The following DACH2 variants were observed in gnomAD, a reference collection of about 807,000 sequenced individuals.
DACH2 encodes the protein dachshund family transcription factor 2.
A neutral mutation model predicts 35.8 loss-of-function variants in DACH2; 17 were observed. The observed-to-expected ratio is 0.48, with a 90% CI of 0.33 to 0.71. The LOEUF is 0.71. Ranked by LOEUF, DACH2 falls within the 30% of genes least tolerant of loss-of-function variation. DACH2 has a pLI of 0.02. For synonymous variants in DACH2, 195 were observed against 177.3 expected (o/e 1.10, Z -0.79); for missense variants, 469 against 472.7 (o/e 0.99, Z 0.07).
intron 3 of DACH2, among the ~76,000 whole-genome samples, chrX:86,614,076 A>T (rs894681438): frequency 5.4e-5 from 6 of 111,916 alleles, no homozygotes; most frequent in Non-Finnish European, 1.1e-4. Flanking sequence ...TAACGTCATC[A>T]TTTTCTTAAA....
intron 1 of DACH2, among the ~76,000 whole-genome samples, chrX:86,202,689 G>T (rs2032187668): frequency 9.0e-6 from 1 of 110,872 alleles, no homozygotes; most frequent in Admixed American, 9.7e-5. Flanking sequence ...AGAGGCTGGG[G>T]GATTATCTAG....
intron 3 of DACH2, among the ~76,000 whole-genome samples, chrX:86,570,556 G>A (rs1201691875): frequency 9.0e-6 from 1 of 110,637 alleles, no homozygotes; most frequent in Non-Finnish European, 1.9e-5. Flanking sequence ...CATGGACACA[G>A]GGAGAGGAAC....
At chrX:86,573,587 T>C (rs936974095) in intron 3 of DACH2, among the ~76,000 whole-genome samples, 1 of 111,545 alleles carries the variant, frequency 9.0e-6, no homozygotes, top group Non-Finnish European at 1.9e-5. Context: ...CCTAAAATGA[T>C]AGACCCTATA....
At chrX:86,327,202 C>G (rs1602407360) in intron 1 of DACH2, among the ~76,000 whole-genome samples, 1 of 111,478 alleles carries the variant, frequency 9.0e-6, no homozygotes, top group East Asian at 2.8e-4. Flanking sequence ...GGAGATCTGC[C>G]CAATATTCTT....
At chrX:86,651,602 GA>G (rs1450097133) in intron 4 of DACH2, among the ~76,000 whole-genome samples, 1 of 111,830 alleles carries the variant, frequency 8.9e-6, no homozygotes, top group Non-Finnish European at 1.9e-5. Context: ...AGTGCTGGCT[GA>G]CTCCAGGCAT....
At chrX:86,581,623 GA>G (rs368420878) in intron 3 of DACH2, among the ~76,000 whole-genome samples, 5,067 of 107,918 alleles carry the variant, frequency 0.047, 288 homozygotes, top group African/African-American at 0.16. Flanking sequence ...ACAACAAAAA[GA>G]AAAAAAAATA....
At chrX:86,262,000 G>A (rs185025180) in intron 1 of DACH2, among the ~76,000 whole-genome samples, 2 of 110,873 alleles carry the variant, frequency 1.8e-5, no homozygotes, top group Non-Finnish European at 1.9e-5. Flanking sequence ...AACACTTGAG[G>A]CCAGGCACAG....
At chrX:86,618,042 G>C in intron 3 of DACH2, among the ~76,000 whole-genome samples, 1 of 112,123 alleles carries the variant, frequency 8.9e-6, no homozygotes, top group East Asian at 2.8e-4. Flanking sequence ...TTGGGAGGCT[G>C]AGGTGGGGGC....
chrX:86,716,187 T>TA (rs752510508), intron 6 of DACH2, among the ~76,000 whole-genome samples: 9 of 111,055 alleles, frequency 8.1e-5, no homozygotes, highest in Non-Finnish European at 1.5e-4. Context: ...AATTAAAGGG[T>TA]AAAAATAAAG....
intron 1 of DACH2, among the ~76,000 whole-genome samples, chrX:86,311,341 T>G (rs947841420): frequency 6.3e-5 from 7 of 112,000 alleles, no homozygotes; most frequent in Admixed American, 5.7e-4. Context: ...GAGCTCAGGC[T>G]TATGGAATTC....
intron 1 of DACH2, among the ~76,000 whole-genome samples, chrX:86,211,597 G>A (rs2032447088): frequency 9.0e-6 from 1 of 111,508 alleles, no homozygotes; most frequent in Non-Finnish European, 1.9e-5. Flanking sequence ...GAGGTCAAAA[G>A]AAGAGCAATC....
chrX:86,763,117 T>C (rs1035754560), intron 7 of DACH2, among the ~76,000 whole-genome samples: 10 of 111,974 alleles, frequency 8.9e-5, no homozygotes, highest in African/African-American at 3.2e-4. Flanking sequence ...ATCTTGATGA[T>C]GCCTGAAAGC....
intron 1 of DACH2, among the ~76,000 whole-genome samples, chrX:86,170,179 C>A (rs188826362): frequency 4.3e-4 from 47 of 109,485 alleles, no homozygotes; most frequent in Non-Finnish European, 4.7e-4. Flanking sequence ...TTACTTTTTC[C>A]CAAACAAAAA....
chrX:86,450,734 T>A (rs1330306236), intron 2 of DACH2, among the ~76,000 whole-genome samples: 1 of 110,605 alleles, frequency 9.0e-6, no homozygotes, highest in South Asian at 3.8e-4. Flanking sequence ...CAGAACCTTT[T>A]TTTTTTTCAC....
intron 7 of DACH2, among the ~76,000 whole-genome samples, chrX:86,786,547 T>G (rs2042139660): frequency 8.9e-6 from 1 of 111,941 alleles, no homozygotes; most frequent in Non-Finnish European, 1.9e-5. Flanking sequence ...TTCTTACTGA[T>G]TTTGTCATAA....
intron 1 of DACH2, among the ~76,000 whole-genome samples, chrX:86,215,834 T>C (rs147894689): frequency 0.021 from 2,372 of 112,326 alleles, 27 homozygotes; most frequent in Non-Finnish European, 0.032. Context: ...ATATGTTAGA[T>C]AGACTCAAAA....
At chrX:86,519,390 C>G (rs2038519141) in intron 3 of DACH2, among the ~76,000 whole-genome samples, 1 of 111,883 alleles carries the variant, frequency 8.9e-6, no homozygotes, top group Non-Finnish European at 1.9e-5. Context: ...GCTTCAGTAT[C>G]AAGATGATCA....
intron 1 of DACH2, among the ~76,000 whole-genome samples, chrX:86,271,947 G>A (rs1244068070): frequency 9.0e-6 from 1 of 110,885 alleles, no homozygotes; most frequent in Admixed American, 9.7e-5. Context: ...AATGTACACT[G>A]TACCCATTAA....
At chrX:86,303,812 T>C (rs932043351) in intron 1 of DACH2, among the ~76,000 whole-genome samples, 2 of 110,478 alleles carry the variant, frequency 1.8e-5, no homozygotes, top group Non-Finnish European at 1.9e-5. Context: ...AAATAATAAA[T>C]ACTATTCAAA....
Sources: gnomAD v4.1 joint callset for allele counts (sites outside exome capture counted in the v4.1 genomes callset) on GRCh38, gnomAD v4.1.1 for gene constraint, MANE v1.5 for transcripts, NCBI Gene and HGNC (gene_info 2026-07-23, HGNC 2026-07-21) for gene names.